The following ZFAT variants were observed in gnomAD, a reference collection of about 807,000 sequenced individuals.
ZFAT encodes zinc finger and AT-hook domain containing, also known as zinc finger protein ZFAT.
ZFAT carries 64 observed loss-of-function variants against 117.7 expected under a neutral mutation model. That is an observed-to-expected ratio of 0.54 (90% CI 0.44 to 0.67). The LOEUF is 0.67. ZFAT is among the 30% of genes least tolerant of loss of function. The probability of loss-of-function intolerance (pLI) is 0.00; values close to 1 mark genes in which losing one functional copy is unlikely to be tolerated. For synonymous variants in ZFAT, 679 were observed against 615.0 expected (o/e 1.10, Z -1.54); for missense variants, 1,433 against 1,584.5 (o/e 0.90, Z 1.62).
intron 11 of ZFAT, among the ~76,000 whole-genome samples, chr8:134,552,411 C>CA (rs1464151472): frequency 6.6e-6 from 1 of 152,158 alleles, no homozygotes; most frequent in African/African-American, 2.4e-5. Context: ...AAAAGTTTCT[C>CA]AATGATAATG....
chr8:134,742,492 C>T, the ZFAT span, among the ~76,000 whole-genome samples: 6 of 152,232 alleles, frequency 3.9e-5, no homozygotes, highest in East Asian at 1.2e-3. Context: ...TTCAATCTGG[C>T]CACATTGATC....
chr8:134,809,770 A>G, the ZFAT span, among the ~76,000 whole-genome samples: 1 of 152,216 alleles, frequency 6.6e-6, no homozygotes, highest in Non-Finnish European at 1.5e-5. Flanking sequence ...GCTTTGAACA[A>G]AAGGATCAAC....
the ZFAT span, among the ~76,000 whole-genome samples, chr8:134,777,164 T>C: frequency 6.6e-6 from 1 of 152,220 alleles, no homozygotes; most frequent in Non-Finnish European, 1.5e-5. Context: ...ATTTTGCAAA[T>C]TTTTTGTGAA....
In ZFAT at chr8:134,478,934, C is replaced by G. The variant is rs867852225; in HGVS notation, c.3493-213G>C. On this transcript the variant is annotated intron_variant, in intron 15 of 15. Transcript: ENST00000377838. This position sits in a 1 kb window ranked among gnomAD's most constrained non-coding sequence, Gnocchi z 5.2. Reference sequence around the variant, plus strand: ...CAATGTAGGGCAACGTGGTCAGGGTCCCCAGCCGTGGCAAATGGTGGAACC... The same window carrying G: ...CAATGTAGGGCAACGTGGTCAGGGTGCCCAGCCGTGGCAAATGGTGGAACC... 8.5e-5 allele frequency among the ~76,000 whole-genome samples: 13 copies of G among 152,254 alleles called. 1 individual carries two copies. The Middle Eastern group carries it at 0.01, about 120-fold the overall frequency.
intron 10 of ZFAT, among the ~76,000 whole-genome samples, chr8:134,574,268 A>G (rs1825143884): frequency 6.6e-6 from 1 of 152,062 alleles, no homozygotes; most frequent in Non-Finnish European, 1.5e-5. Flanking sequence ...AGACCTCTGA[A>G]GCTCAGCTGC....
At chr8:134,515,813 G>T (rs113128947) in intron 13 of ZFAT, among the ~76,000 whole-genome samples, 5 of 151,998 alleles carry the variant, frequency 3.3e-5, no homozygotes, top group Admixed American at 2.0e-4. Flanking sequence ...CCCTGCCCCA[G>T]GATTATTCTG....
intron 1 of ZFAT, among the ~76,000 whole-genome samples, chr8:134,669,726 T>C (rs1228163588): frequency 1.3e-5 from 2 of 152,196 alleles, no homozygotes; most frequent in Non-Finnish European, 2.9e-5. Context: ...AACATCATTA[T>C]GACAGGATCA....
At chr8:134,487,793 T>A (rs964112283) in intron 15 of ZFAT, among the ~76,000 whole-genome samples, 1 of 152,232 alleles carries the variant, frequency 6.6e-6, no homozygotes, top group Admixed American at 6.5e-5. Flanking sequence ...CTGACTCCTG[T>A]TAAACACCAG....
chr8:134,479,621 G>C (rs1817146250), intron 15 of ZFAT, among the ~76,000 whole-genome samples: 2 of 152,220 alleles, frequency 1.3e-5, no homozygotes, highest in Admixed American at 6.5e-5. Context: ...AAAGGGGCCT[G>C]GAATTATCTA....
At chr8:134,587,169 C>A (rs1826122341) in intron 9 of ZFAT, among the ~76,000 whole-genome samples, 1 of 152,176 alleles carries the variant, frequency 6.6e-6, no homozygotes, top group South Asian at 2.1e-4. Context: ...GTTGTTTGTA[C>A]CAGGAGTGAA....
chr8:134,584,402 T>C (rs1354927998), intron 9 of ZFAT, among the ~76,000 whole-genome samples: 1 of 152,246 alleles, frequency 6.6e-6, no homozygotes, highest in African/African-American at 2.4e-5. Context: ...TGGGAACTCC[T>C]TGAGGACAGA....
intron 1 of ZFAT, among the ~76,000 whole-genome samples, chr8:134,698,323 CA>C (rs35465168): frequency 4.4e-4 from 56 of 127,292 alleles, no homozygotes; most frequent in East Asian, 7.0e-4. Flanking sequence ...GACTCCATCT[CA>C]AAAAAAAAAA....
the ZFAT span, among the ~76,000 whole-genome samples, chr8:134,799,966 T>C: frequency 6.6e-6 from 1 of 152,198 alleles, no homozygotes; most frequent in Non-Finnish European, 1.5e-5. Flanking sequence ...ATCCATGCAA[T>C]CACATACTTA....
chr8:134,657,486 T>G, intron 2 of ZFAT, 75 bp downstream of exon 2: 2 of 1,397,312 alleles, frequency 1.4e-6, no homozygotes, highest in Non-Finnish European at 1.9e-6. Context: ...TCTAGGCTTC[T>G]GCTATGCCCA....
intron 6 of ZFAT, 77 bp from the exon 7 acceptor site, chr8:134,600,745 T>G: frequency 1.7e-6 from 2 of 1,169,534 alleles, no homozygotes; most frequent in Non-Finnish European, 2.3e-6. Context: ...ATTATTATTT[T>G]TTATCTACAA....
At chr8:134,518,657 T>C (rs1488895709) in intron 13 of ZFAT, among the ~76,000 whole-genome samples, 1 of 151,966 alleles carries the variant, frequency 6.6e-6, no homozygotes, top group African/African-American at 2.4e-5. Flanking sequence ...TATAAAGATA[T>C]TAATTTTTTC....
At chr8:134,481,636 G>A (rs576653786) in intron 15 of ZFAT, among the ~76,000 whole-genome samples, 2 of 152,296 alleles carry the variant, frequency 1.3e-5, no homozygotes, top group South Asian at 2.1e-4. Context: ...TAGGGGCAGC[G>A]GCTGCAGCCT....
chr8:134,813,329 C>T, the ZFAT span, among the ~76,000 whole-genome samples: 2 of 152,196 alleles, frequency 1.3e-5, no homozygotes, highest in African/African-American at 2.4e-5. Flanking sequence ...CATGGATAAC[C>T]GAGATGGGCA....
At chr8:134,623,578 C>T (rs1439980010) in intron 3 of ZFAT, among the ~76,000 whole-genome samples, 1 of 152,196 alleles carries the variant, frequency 6.6e-6, no homozygotes, top group African/African-American at 2.4e-5. Flanking sequence ...AAGGCAGCTC[C>T]CCTCTGCGAA....
Sources: allele counts gnomAD v4.1 joint callset (sites outside exome capture counted in the v4.1 genomes callset), GRCh38; gene constraint gnomAD v4.1.1; non-coding constraint Gnocchi (gnomAD v3.1); transcripts MANE v1.5; gene names NCBI Gene and HGNC (gene_info 2026-07-23, HGNC 2026-07-21).